The following VKORC1L1 variants were observed in gnomAD, a reference collection of about 807,000 sequenced individuals.
VKORC1L1 encodes the protein vitamin K epoxide reductase complex subunit 1L1.
Under a neutral mutation model 18.9 loss-of-function variants are expected in VKORC1L1, and 2 were observed. That is an observed-to-expected ratio of 0.11 (90% CI 0.04 to 0.33). The LOEUF (loss-of-function observed/expected upper bound fraction) is 0.33. Among genes scored for constraint, VKORC1L1 ranks in the 10% least tolerant of loss-of-function variants. VKORC1L1 has a pLI of 1.00. For missense variants in VKORC1L1, 123 were observed against 224.1 expected (o/e 0.55, Z 2.88); for synonymous variants, 96 against 100.0 (o/e 0.96, Z 0.24).
At chr7:65,946,990 A>ATAT (rs58862996) in intron 1 of VKORC1L1, among the ~76,000 whole-genome samples, 3 of 151,072 alleles carry the variant, frequency 2.0e-5, no homozygotes, top group African/African-American at 4.9e-5. Flanking sequence ...CCAAAAAAAA[A>ATAT]ATATATATAT....
At chr7:65,886,889 G>T (rs542776798) in intron 1 of VKORC1L1, among the ~76,000 whole-genome samples, 1 of 124,088 alleles carries the variant, frequency 8.1e-6, no homozygotes, top group Non-Finnish European at 1.6e-5. Flanking sequence ...TTACTCTGTC[G>T]CCCAAGCTGA....
At chr7:65,908,081 A>G (rs957845385) in intron 1 of VKORC1L1, among the ~76,000 whole-genome samples, 10 of 152,288 alleles carry the variant, frequency 6.6e-5, no homozygotes, top group African/African-American at 2.2e-4. Flanking sequence ...ACATTTTCCT[A>G]TACCCTTCAA....
At chr7:65,952,832 C>G (rs1790235480) in intron 2 of VKORC1L1, among the ~76,000 whole-genome samples, 1 of 117,520 alleles carries the variant, frequency 8.5e-6, no homozygotes, top group Admixed American at 1.2e-4. Context: ...GTCGCCCAGG[C>G]TGGAGTCCAC....
chr7:65,893,948 GAATA>G (rs1352878769), intron 1 of VKORC1L1, among the ~76,000 whole-genome samples: 1 of 151,896 alleles, frequency 6.6e-6, no homozygotes, highest in East Asian at 1.9e-4. Context: ...ATCAGTTTGG[GAATA>G]ATTGACTTTT....
intron 1 of VKORC1L1, among the ~76,000 whole-genome samples, chr7:65,918,560 C>A (rs1453030947): frequency 6.6e-6 from 1 of 152,186 alleles, no homozygotes; most frequent in Non-Finnish European, 1.5e-5. Flanking sequence ...ATGATCTTCA[C>A]TTTCCACAAA....
chr7:65,883,745 G>T (rs973451056), intron 1 of VKORC1L1, among the ~76,000 whole-genome samples: 4 of 150,970 alleles, frequency 2.6e-5, no homozygotes, highest in Admixed American at 6.6e-5. Context: ...TAATCTGCCC[G>T]CCTCGGCCTC....
intron 2 of VKORC1L1, among the ~76,000 whole-genome samples, chr7:65,953,382 T>C (rs2115754583): frequency 6.6e-6 from 1 of 152,352 alleles, no homozygotes; most frequent in Non-Finnish European, 1.5e-5. Flanking sequence ...GAGAAGGTTC[T>C]CACCAAATGT....
At chr7:65,904,212 G>T (rs886918626) in intron 1 of VKORC1L1, among the ~76,000 whole-genome samples, 1 of 152,114 alleles carries the variant, frequency 6.6e-6, no homozygotes, top group African/African-American at 2.4e-5. Context: ...CCTTAGTCAG[G>T]TTATTTATTT....
At chr7:65,933,242 A>G (rs539100471) in intron 1 of VKORC1L1, among the ~76,000 whole-genome samples, 18 of 152,064 alleles carry the variant, frequency 1.2e-4, no homozygotes, top group Non-Finnish European at 2.4e-4. Flanking sequence ...GAAGTCTTTA[A>G]GTATAATTGT....
chr7:65,911,928 G>C (rs1014091757), intron 1 of VKORC1L1, among the ~76,000 whole-genome samples: 5 of 152,140 alleles, frequency 3.3e-5, no homozygotes, highest in African/African-American at 1.2e-4. Context: ...TAGTTTCACT[G>C]CATCTTTTTA....
At chr7:65,912,683 A>G (rs1006707782) in intron 1 of VKORC1L1, among the ~76,000 whole-genome samples, 30 of 152,216 alleles carry the variant, frequency 2.0e-4, no homozygotes, top group African/African-American at 6.8e-4. Flanking sequence ...AATCTAGTAC[A>G]TCAGTGCTTC....
intron 1 of VKORC1L1, among the ~76,000 whole-genome samples, chr7:65,885,180 A>C (rs1788991581): frequency 6.6e-6 from 1 of 152,112 alleles, no homozygotes; most frequent in African/African-American, 2.4e-5. Flanking sequence ...ACAGACAAAA[A>C]TTTTGCATTT....
intron 1 of VKORC1L1, among the ~76,000 whole-genome samples, chr7:65,916,173 G>T (rs1195861544): frequency 6.6e-6 from 1 of 150,502 alleles, no homozygotes; most frequent in Non-Finnish European, 1.5e-5. Flanking sequence ...ATTACCCAGT[G>T]ATACAGTTTG....
intron 1 of VKORC1L1, among the ~76,000 whole-genome samples, chr7:65,938,182 C>T (rs1293731821): frequency 2.0e-5 from 3 of 151,510 alleles, no homozygotes; most frequent in Admixed American, 6.6e-5. Context: ...TGCGACCGAG[C>T]GAGACTCCGT....
rs1467331450 is a variant in VKORC1L1 at position 65,895,477 on chromosome 7, AAAAATATATATATATATATATAT to A, written c.194+21914_194+21936del. Among the ~76,000 whole-genome samples, 49 of 38,084 alleles carry A rather than the reference AAAAATATATATATATATATATAT, an allele frequency of 1.3e-3. 1 individual carries two copies. The highest frequency in any genetic ancestry group is 4.5e-3 in the African/African-American group (29 of 6,478). 25.0% of individuals were successfully genotyped at this position (38,084 alleles called of 152,430 possible). On this transcript the variant is annotated intron_variant, in intron 1 of 2. Coordinates refer to ENST00000360768, the MANE Select transcript of VKORC1L1 (RefSeq NM_173517.6). ...AGAAAAAAAAAAAAAAAAAAAAAAA[AAAAATATATATATATATATATAT>A]ATATATATATATATATACACACACA... is the stretch of plus-strand genomic sequence containing the variant.
intron 1 of VKORC1L1, among the ~76,000 whole-genome samples, chr7:65,908,345 A>G (rs568681885): frequency 1.5e-4 from 23 of 152,168 alleles, no homozygotes; most frequent in African/African-American, 5.3e-4. Context: ...CCCGGGAGGC[A>G]GAGGTTGCAG....
At position 65,876,073 on chromosome 7, in the gene VKORC1L1, A is replaced by G. The variant is rs545494501; in HGVS notation, c.194+2508A>G. On this transcript the variant is annotated intron_variant, in intron 1 of 2. Coordinates refer to ENST00000360768, the MANE Select transcript of VKORC1L1 (RefSeq NM_173517.6). ...ATAATGATGGAAAGTTCCAGATTTT[A>G]TATTTCTAAAGAAATATTTCACCGA... is the stretch of plus-strand genomic sequence containing the variant. Among the ~76,000 whole-genome samples the G allele has an allele frequency of 9.1e-4, 139 of 152,262 alleles. 1 individual carries two copies. Among genetic ancestry groups the G allele is most frequent in the Non-Finnish European group, 1.4e-3 (97 of 68,006 alleles).
At chr7:65,947,414 GTTTT>G (rs58878681) in intron 1 of VKORC1L1, among the ~76,000 whole-genome samples, 2 of 130,832 alleles carry the variant, frequency 1.5e-5, no homozygotes, top group African/African-American at 2.8e-5. Context: ...ACCATAACTG[GTTTT>G]TTTTTTTTTT....
rs1468048180 is a variant in VKORC1L1 at position 65,944,810 on chromosome 7, G to A, written c.195-3861G>A. ...TGGATGCCTGTGGTGCCAGCTATTC[G>A]GGAGGCTGAGGAGGGAAAATTGCTT... On this transcript the variant is annotated intron_variant, in intron 1 of 2. Coordinates refer to ENST00000360768, the MANE Select transcript of VKORC1L1 (RefSeq NM_173517.6). Among the ~76,000 whole-genome samples the A allele has an allele frequency of 3.3e-5, 5 of 151,812 alleles. No individual in the cohort carries two copies. In the South Asian group the frequency reaches 6.2e-4, roughly 19 times the overall value.
Sources: allele counts gnomAD v4.1 joint callset (sites outside exome capture counted in the v4.1 genomes callset), GRCh38; gene constraint gnomAD v4.1.1; transcripts MANE v1.5; gene names NCBI Gene and HGNC (gene_info 2026-07-23, HGNC 2026-07-21).